Variants in CYB5A observed in about 807,000 individuals in gnomAD.
CYB5A encodes cytochrome b5.
In CYB5A, 10 loss-of-function variants were observed where a neutral mutation model predicts 16.2. The observed-to-expected ratio is 0.62, with a 90% CI of 0.38 to 1.04. The LOEUF is 1.04. Among genes scored for constraint, CYB5A ranks in the 50% least tolerant of loss-of-function variants. The pLI is 0.01. For synonymous variants in CYB5A, 62 were observed against 57.0 expected, an observed-to-expected ratio of 1.09 and a Z score of -0.40; for missense variants, 161 against 165.9, an observed-to-expected ratio of 0.97 and a Z score of 0.16.
chr18:74,266,275 A>G (rs1000319859), intron 1 of CYB5A, among the ~76,000 whole-genome samples: 1 of 152,206 alleles, frequency 6.6e-6, no homozygotes, highest in Non-Finnish European at 1.5e-5. Context: ...GAGAAGCCAC[A>G]TGGTGAGATA....
chr18:74,287,239 C>T (rs1983355610), intron 1 of CYB5A, among the ~76,000 whole-genome samples: 3 of 152,156 alleles, frequency 2.0e-5, no homozygotes, highest in African/African-American at 7.2e-5. Context: ...TTGCCAACTG[C>T]AGCCTTTAGT....
chr18:74,284,003 C>A (rs8097871), intron 1 of CYB5A, among the ~76,000 whole-genome samples: 5 of 152,068 alleles, frequency 3.3e-5, no homozygotes, highest in Admixed American at 3.3e-4. Context: ...GAGGCCGAGG[C>A]GAGTGGATCA....
rs1276660485 is a variant in CYB5A at position 74,253,170 on chromosome 18, A to G, written c.*414T>C. On this transcript the variant is annotated 3_prime_UTR_variant, in exon 5 of 5. Coordinates refer to ENST00000340533, the MANE Select transcript of CYB5A (RefSeq NM_148923.4). ...GATGTGAAAGGAGACACTCAAACCTATTTCCCGCACCTCCAGTCATATGGC... is the reference window on the plus strand; with the variant it reads ...GATGTGAAAGGAGACACTCAAACCTGTTTCCCGCACCTCCAGTCATATGGC... 1 of 241,804 alleles carries G rather than the reference A, an allele frequency of 4.1e-6. No homozygotes were observed. The highest frequency in any genetic ancestry group is 8.2e-6 in the Non-Finnish European group (1 of 122,222). The allele number at this position is 241,804 out of a possible 1,614,324, so 15.0% of individuals were successfully genotyped here. A position where few individuals can be genotyped will look rare whatever the true frequency, so the allele number is the denominator to read the frequency against.
intron 1 of CYB5A, among the ~76,000 whole-genome samples, chr18:74,268,906 C>G (rs374520220): frequency 6.6e-6 from 1 of 152,200 alleles, no homozygotes; most frequent in African/African-American, 2.4e-5. Context: ...GAAATCTCCA[C>G]TTTGTAAGTT....
At chr18:74,271,190 G>A (rs1982653966) in intron 1 of CYB5A, among the ~76,000 whole-genome samples, 1 of 152,340 alleles carries the variant, frequency 6.6e-6, no homozygotes, top group Admixed American at 6.5e-5. Flanking sequence ...GTGTGGGACA[G>A]AAAAAAGTAC....
At position 74,291,884 on chromosome 18, in the gene CYB5A, G is replaced by C. The variant is rs771717839; in HGVS notation, c.-9C>G. On this transcript the variant is annotated 5_prime_UTR_variant, in exon 1 of 5. Coordinates refer to ENST00000340533, the MANE Select transcript of CYB5A (RefSeq NM_148923.4). ...TCCGACTGCTCTGCCATCTCGGTTC[G>C]CCGCGAGCCAGGCCCAGCACACACA... 10 of 1,609,450 alleles carry C rather than the reference G, an allele frequency of 6.2e-6. No homozygotes were observed. Among genetic ancestry groups the C allele is most frequent in the Non-Finnish European group, 7.6e-6 (9 of 1,179,542 alleles).
intron 1 of CYB5A, among the ~76,000 whole-genome samples, chr18:74,278,950 C>T (rs1982984125): frequency 6.6e-6 from 1 of 152,192 alleles, no homozygotes; most frequent in Non-Finnish European, 1.5e-5. Flanking sequence ...CCTCTAATCT[C>T]TGAAGAGTAC....
At chr18:74,262,488 T>G (rs910855641) in intron 2 of CYB5A, among the ~76,000 whole-genome samples, 3 of 150,826 alleles carry the variant, frequency 2.0e-5, no homozygotes, top group Non-Finnish European at 3.0e-5. Context: ...AAAGCCAAAT[T>G]AGGCCAGTGT....
intron 4 of CYB5A, among the ~76,000 whole-genome samples, chr18:74,255,436 G>C (rs1423808718): frequency 2.0e-5 from 3 of 152,234 alleles, no homozygotes; most frequent in African/African-American, 7.2e-5. Context: ...GGATGAGCCA[G>C]GGAGGTGCTG....
In CYB5A at chr18:74,253,512, A is replaced by G; in HGVS notation, c.*72T>C. The G allele has an allele frequency of 1.2e-6, 1 of 867,148 alleles. No individual in the cohort carries two copies. Among genetic ancestry groups the G allele is most frequent in the East Asian group, 2.5e-5 (1 of 40,524 alleles). The allele number at this position is 867,148 out of a possible 1,614,324, so 53.7% of individuals were successfully genotyped here. A position where few individuals can be genotyped will look rare whatever the true frequency, so the allele number is the denominator to read the frequency against. On this transcript the variant is annotated 3_prime_UTR_variant, in exon 5 of 5. Transcript: ENST00000340533. ...TCAAGTGAAGGTTTCTGTCAGTTGA[A>G]GTAGTTAGCAATGGCTTCTTTTCTC... is the stretch of plus-strand genomic sequence containing the variant.
At chr18:74,262,054 C>T (rs778086186) in intron 2 of CYB5A, among the ~76,000 whole-genome samples, 12 of 152,152 alleles carry the variant, frequency 7.9e-5, no homozygotes, top group Admixed American at 2.0e-4. Context: ...AAGTTTTCAG[C>T]GATTTTCCTG....
intron 4 of CYB5A, among the ~76,000 whole-genome samples, chr18:74,254,098 T>C (rs1027189531): frequency 1.3e-5 from 2 of 152,150 alleles, no homozygotes; most frequent in African/African-American, 4.8e-5. Context: ...GAGAATCGCT[T>C]GAACCTGGGA....
intron 1 of CYB5A, among the ~76,000 whole-genome samples, chr18:74,287,604 TA>T (rs1236309768): frequency 5.3e-5 from 8 of 152,214 alleles, no homozygotes; most frequent in South Asian, 2.1e-4. Context: ...GGTCCAAGAC[TA>T]TCAGAATCCC....
intron 2 of CYB5A, 69 bp from the exon 3 acceptor site, chr18:74,261,013 A>C: frequency 1.7e-6 from 2 of 1,155,290 alleles, no homozygotes; most frequent in Non-Finnish European, 2.6e-6. Context: ...CAAAATGCTG[A>C]CTTTGAGACT....
At chr18:74,282,800 G>C (rs1419536499) in intron 1 of CYB5A, among the ~76,000 whole-genome samples, 2 of 152,138 alleles carry the variant, frequency 1.3e-5, no homozygotes, top group African/African-American at 4.8e-5. Context: ...AGGTAGGTAA[G>C]GACCAGATCA....
chr18:74,254,284 G>A (rs1471625885), intron 4 of CYB5A, among the ~76,000 whole-genome samples: 5 of 151,820 alleles, frequency 3.3e-5, no homozygotes, highest in African/African-American at 4.8e-5. Flanking sequence ...TAACACCACA[G>A]CTTTAAGCTT....
intron 1 of CYB5A, among the ~76,000 whole-genome samples, chr18:74,283,772 CT>C (rs1203577876): frequency 6.6e-6 from 1 of 152,180 alleles, no homozygotes; most frequent in Non-Finnish European, 1.5e-5. Context: ...AGACTCAGCA[CT>C]GAAGACACTG....
rs1345134442 is a variant in CYB5A at position 74,251,699 on chromosome 18, T to C, written c.*1885A>G. ...AGAAAAAAGTGTCAAATATCTTTCC[T>C]TGAGAGTCTGGCTGCACAAACTGTA... On this transcript the variant is annotated 3_prime_UTR_variant, in exon 5 of 5. Coordinates refer to ENST00000340533, the MANE Select transcript of CYB5A (RefSeq NM_148923.4). 1 of 152,216 alleles carries C rather than the reference T, an allele frequency of 6.6e-6. No homozygotes were observed. The highest frequency in any genetic ancestry group is 1.9e-4 in the East Asian group (1 of 5,202). The allele number at this position is 152,216 out of a possible 1,614,324, so 9.4% of individuals were successfully genotyped here.
intron 1 of CYB5A, among the ~76,000 whole-genome samples, chr18:74,272,081 G>A (rs1279231620): frequency 1.3e-5 from 2 of 152,196 alleles, no homozygotes; most frequent in East Asian, 1.9e-4. Flanking sequence ...TCCTTGCTTT[G>A]TGCTAATAAC....
Sources: allele counts gnomAD v4.1 joint callset (sites outside exome capture counted in the v4.1 genomes callset), GRCh38; gene constraint gnomAD v4.1.1; transcripts MANE v1.5; gene names NCBI Gene and HGNC (gene_info 2026-07-23, HGNC 2026-07-21).